CACNA2D1: variants seen among roughly 807,000 people sequenced by gnomAD.
CACNA2D1 encodes the protein calcium voltage-gated channel auxiliary subunit alpha2delta 1, also known as voltage-dependent calcium channel subunit alpha-2/delta-1.
In CACNA2D1, 53 loss-of-function variants were observed where a neutral mutation model predicts 171.5. That is an observed-to-expected ratio of 0.31 (90% confidence interval 0.25 to 0.39). CACNA2D1 has a LOEUF of 0.39. Ranked by LOEUF, CACNA2D1 falls within the 10% of genes least tolerant of loss-of-function variation. The pLI, the probability that CACNA2D1 is intolerant of heterozygous loss-of-function variation, is 1.00. For missense variants in CACNA2D1, 903 were observed against 1,299.8 expected (o/e 0.69, Z 4.69); for synonymous variants, 442 against 443.1 (o/e 1.00, Z 0.03).
intron 5 of CACNA2D1, among the ~76,000 whole-genome samples, chr7:82,135,389 C>T (rs1791489978): frequency 6.6e-6 from 1 of 151,962 alleles, no homozygotes; most frequent in Admixed American, 6.6e-5. Flanking sequence ...ACAGTTTGTA[C>T]TTAATAAGCC....
intron 1 of CACNA2D1, among the ~76,000 whole-genome samples, chr7:82,377,062 C>T (rs1429094091): frequency 1.3e-5 from 2 of 152,088 alleles, no homozygotes; most frequent in African/African-American, 2.4e-5. Context: ...GTTAAAGGCA[C>T]AAAAAATTAC....
In CACNA2D1 at chr7:82,068,651, A is replaced by ACACAAAACGATTGAATCCAGACTGG. The variant is rs1220127293; in HGVS notation, c.659-2128_659-2127insCCAGTCTGGATTCAATCGTTTTGTG. On this transcript the variant is annotated intron_variant, in intron 7 of 38. Transcript: ENST00000356860. ...CTCTCTTCTGATTGAACCCAGACTG[A>ACACAAAACGATTGAATCCAGACTGG]CACAAAGGTAGATGAGAGAAGTGAT... Among the ~76,000 whole-genome samples, 247 of 152,226 alleles carry ACACAAAACGATTGAATCCAGACTGG rather than the reference A, an allele frequency of 1.6e-3. 2 individuals are homozygous for ACACAAAACGATTGAATCCAGACTGG. The East Asian group carries it at 0.018, about 11-fold the overall frequency.
intron 3 of CACNA2D1, among the ~76,000 whole-genome samples, chr7:82,176,095 A>G (rs1796517639): frequency 6.6e-6 from 1 of 152,032 alleles, no homozygotes; most frequent in Non-Finnish European, 1.5e-5. Context: ...TTTACCACAA[A>G]TAGAATAAGA....
At chr7:82,283,182 T>C (rs1343445718) in intron 3 of CACNA2D1, among the ~76,000 whole-genome samples, 1 of 152,252 alleles carries the variant, frequency 6.6e-6, no homozygotes, top group East Asian at 1.9e-4. Context: ...GTTAAAAAAA[T>C]TTCATTTCAG....
At chr7:82,370,324 A>C (rs1420733771) in intron 1 of CACNA2D1, among the ~76,000 whole-genome samples, 1 of 152,084 alleles carries the variant, frequency 6.6e-6, no homozygotes, top group African/African-American at 2.4e-5. Flanking sequence ...ACCAAGGTTA[A>C]GTATGAAATT....
At chr7:82,034,004 T>C (rs1803016566) in intron 11 of CACNA2D1, among the ~76,000 whole-genome samples, 1 of 152,082 alleles carries the variant, frequency 6.6e-6, no homozygotes, top group African/African-American at 2.4e-5. Flanking sequence ...AGGGGAGTAA[T>C]AAGAAATATC....
intron 1 of CACNA2D1, among the ~76,000 whole-genome samples, chr7:82,426,158 AATAAATAAATAAATAAATAAATAC>A (rs1204026521): frequency 5.4e-5 from 7 of 129,908 alleles, no homozygotes; most frequent in Admixed American, 8.4e-5. Flanking sequence ...TAAATAAATA[AATAAATAAATAAATAAATAAATAC>A]ATAAATTCTA....
chr7:82,225,855 A>G lies in CACNA2D1; in HGVS notation c.295-55246T>C, dbSNP rs148016629. On this transcript the variant is annotated intron_variant, in intron 3 of 38. Coordinates refer to ENST00000356860, the MANE Select transcript of CACNA2D1 (RefSeq NM_000722.4). ...ATGTCAATAACCCATTTAATTGAAT[A>G]TCAATGCATATTAATCATGTTTTTC... 3.0e-3 allele frequency among the ~76,000 whole-genome samples: 462 copies of G among 152,322 alleles called. 6 individuals carry two copies. The highest frequency in any genetic ancestry group is 0.011 in the South Asian group (53 of 4,830).
intron 7 of CACNA2D1, among the ~76,000 whole-genome samples, chr7:82,075,098 T>A (rs2128997498): frequency 1.3e-5 from 2 of 152,054 alleles, no homozygotes; most frequent in South Asian, 2.1e-4. Flanking sequence ...CACTTATGAG[T>A]GAGAACATGT....
At chr7:82,428,156 G>A (rs189157155) in intron 1 of CACNA2D1, among the ~76,000 whole-genome samples, 1 of 151,254 alleles carries the variant, frequency 6.6e-6, no homozygotes, top group Non-Finnish European at 1.5e-5. Flanking sequence ...CACCATATAT[G>A]ATCACTTTTT....
At chr7:82,105,398 CTTTT>C (rs572031121) in intron 6 of CACNA2D1, among the ~76,000 whole-genome samples, 84 of 99,460 alleles carry the variant, frequency 8.4e-4, no homozygotes, top group African/African-American at 2.6e-3. Flanking sequence ...CAGTTTTTGT[CTTTT>C]TTTTTTTTTT....
rs142536365 is a variant in CACNA2D1, at chr7:82,091,618, G to A, written c.527-6718C>T. Among the ~76,000 whole-genome samples, 400 of 152,274 alleles carry A rather than the reference G, an allele frequency of 2.6e-3. 1 individual carries two copies. The highest frequency in any genetic ancestry group is 7.5e-3 in the African/African-American group (311 of 41,548). ...GTATCTAATATCATGTCTACTAATT[G>A]AATGATTTAATGTCACTTGAAATAA... On this transcript the variant is annotated intron_variant, in intron 6 of 38. Coordinates refer to ENST00000356860, the MANE Select transcript of CACNA2D1 (RefSeq NM_000722.4).
chr7:82,339,092 C>A (rs192915386), intron 2 of CACNA2D1, among the ~76,000 whole-genome samples: 310 of 152,144 alleles, frequency 2.0e-3, no homozygotes, highest in African/African-American at 7.0e-3. Context: ...TTTCTCCCTG[C>A]GCCCAGGCAT....
intron 20 of CACNA2D1, among the ~76,000 whole-genome samples, chr7:81,991,857 C>T (rs1020172288): frequency 1.0e-4 from 15 of 149,458 alleles, no homozygotes; most frequent in Admixed American, 5.3e-4. Flanking sequence ...TTTTTTTAGA[C>T]GGAGTATCGC....
intron 1 of CACNA2D1, among the ~76,000 whole-genome samples, chr7:82,439,241 ATTG>A (rs1478253310): frequency 3.9e-5 from 6 of 152,064 alleles, no homozygotes; most frequent in Admixed American, 3.9e-4. Context: ...TCAATGCATT[ATTG>A]TTTATGAATA....
intron 10 of CACNA2D1, among the ~76,000 whole-genome samples, chr7:82,056,270 T>C (rs1805896838): frequency 6.6e-6 from 1 of 152,084 alleles, no homozygotes; most frequent in Admixed American, 6.6e-5. Flanking sequence ...CAGTTATAAA[T>C]GGCATGGCTG....
At chr7:82,313,205 T>C (rs1814689922) in intron 3 of CACNA2D1, among the ~76,000 whole-genome samples, 1 of 152,196 alleles carries the variant, frequency 6.6e-6, no homozygotes, top group Non-Finnish European at 1.5e-5. Flanking sequence ...TCCCCATAGC[T>C]ACCAATCTTT....
chr7:82,299,459 G>A (rs562508155), intron 3 of CACNA2D1, among the ~76,000 whole-genome samples: 2 of 151,616 alleles, frequency 1.3e-5, no homozygotes, highest in Admixed American at 6.6e-5. Context: ...TCAGGAGTTC[G>A]AGACCAGCCT....
chr7:82,018,738 T>G (rs960337539), intron 12 of CACNA2D1, among the ~76,000 whole-genome samples: 2 of 152,048 alleles, frequency 1.3e-5, no homozygotes, highest in Non-Finnish European at 2.9e-5. Context: ...ATCCCAGCAC[T>G]TTGAGAGGCT....
Sources: gnomAD v4.1 joint callset for allele counts (sites outside exome capture counted in the v4.1 genomes callset) on GRCh38, gnomAD v4.1.1 for gene constraint, MANE v1.5 for transcripts, NCBI Gene and HGNC (gene_info 2026-07-23, HGNC 2026-07-21) for gene names.